Variants in GK observed in about 807,000 individuals in gnomAD.
GK encodes glycerol kinase.
Under a neutral mutation model 56.4 loss-of-function variants are expected in GK, and 9 were observed. That is an observed-to-expected ratio of 0.16 (90% CI 0.10 to 0.28). The LOEUF (loss-of-function observed/expected upper bound fraction) is 0.28. GK is among the 10% of genes least tolerant of loss of function. The pLI is 1.00. For missense variants in GK, 161 were observed against 431.4 expected (o/e 0.37, Z 5.55); for synonymous variants, 104 against 144.1 (o/e 0.72, Z 1.99).
At chrX:30,678,134 T>G in intron 4 of GK, 1 of 457,380 alleles carries the variant, frequency 2.2e-6, no homozygotes, top group South Asian at 3.5e-5. Flanking sequence ...AAAGTACTTG[T>G]GTGTTTGTCT....
At position 30,678,671 on chromosome X, in the gene GK, G is replaced by GTT. The variant is rs35987506; in HGVS notation, c.337+1232_337+1233dup. ...CTTTTAGTACATCTTTTTCTGTGGT[G>GTT]TTTTTTTTTTTTTTCTTTCCTCTGT... On this transcript the variant is annotated intron_variant, in intron 4 of 20. Transcript: ENST00000427190. 5.7e-3 allele frequency among the ~76,000 whole-genome samples: 489 copies of GTT among 85,730 alleles called. 1 individual carries two copies. Among genetic ancestry groups the GTT allele is most frequent in the Non-Finnish European group, 9.8e-3 (435 of 44,470 alleles). 74.4% of individuals were successfully genotyped at this position (85,730 alleles called of 115,157 possible). A position where few individuals can be genotyped will look rare whatever the true frequency, so the allele number is the denominator to read the frequency against.
At chrX:30,701,136 G>A (rs1338529415) in intron 11 of GK, among the ~76,000 whole-genome samples, 1 of 112,225 alleles carries the variant, frequency 8.9e-6, no homozygotes, top group Non-Finnish European at 1.9e-5. Flanking sequence ...TAGGCTGGGC[G>A]CGGTGGCTCA....
intron 13 of GK, among the ~76,000 whole-genome samples, chrX:30,709,835 GTCTGC>G (rs2147240977): frequency 9.0e-6 from 1 of 111,261 alleles, no homozygotes; most frequent in South Asian, 3.7e-4. Context: ...GTCAAACCAA[GTCTGC>G]TCTGTTCTGT....
chrX:30,699,616 G>A (rs1935533697), intron 9 of GK, among the ~76,000 whole-genome samples: 1 of 109,547 alleles, frequency 9.1e-6, no homozygotes, highest in Admixed American at 9.8e-5. Context: ...CTCCCACCTC[G>A]GCCTCCCAAA....
At chrX:30,695,210 A>G in intron 6 of GK, 1 of 850,834 alleles carries the variant, frequency 1.2e-6, no homozygotes, top group Non-Finnish European at 1.5e-6. Flanking sequence ...TGACAGATCC[A>G]CAGAGCAGGT....
At chrX:30,718,481 T>C in intron 13 of GK, 57 bp from the exon 14 acceptor site, 1 of 812,159 alleles carries the variant, frequency 1.2e-6, no homozygotes. Context: ...ATATGCTCAA[T>C]AAAAACCTTG....
At chrX:30,690,532 A>G (rs1404322876) in intron 4 of GK, among the ~76,000 whole-genome samples, 1 of 111,479 alleles carries the variant, frequency 9.0e-6, no homozygotes, top group Non-Finnish European at 1.9e-5. Flanking sequence ...ATACTCCAGC[A>G]GAGAGAAAGA....
intron 1 of GK, among the ~76,000 whole-genome samples, chrX:30,655,486 C>T (rs1252358560): frequency 1.8e-5 from 2 of 112,048 alleles, no homozygotes; most frequent in African/African-American, 3.2e-5. Flanking sequence ...GCTGCCAGAT[C>T]GTCAGATTAA....
At chrX:30,696,812 A>G (rs1350277954) in intron 8 of GK, 129 bp downstream of exon 8, 1 of 530,651 alleles carries the variant, frequency 1.9e-6, no homozygotes, top group Non-Finnish European at 3.3e-6. Flanking sequence ...CAACTGTGTT[A>G]TGTTTTGTGA....
At chrX:30,676,277 T>C (rs1933899564) in intron 3 of GK, among the ~76,000 whole-genome samples, 1 of 111,990 alleles carries the variant, frequency 8.9e-6, no homozygotes, top group South Asian at 3.7e-4. Flanking sequence ...TGCTACATTT[T>C]CCAGTCTGGT....
chrX:30,681,553 A>T (rs1184057052), intron 4 of GK, among the ~76,000 whole-genome samples: 2 of 112,341 alleles, frequency 1.8e-5, no homozygotes, highest in African/African-American at 6.5e-5. Flanking sequence ...ATAACATTAG[A>T]CAGATAATGG....
chrX:30,664,386 G>A (rs969252582), intron 1 of GK, among the ~76,000 whole-genome samples: 6 of 106,925 alleles, frequency 5.6e-5, no homozygotes, highest in African/African-American at 2.0e-4. Context: ...TTTTAGTAGA[G>A]ACGGGGTTTC....
chrX:30,658,325 T>C (rs2147121908), intron 1 of GK, among the ~76,000 whole-genome samples: 1 of 111,521 alleles, frequency 9.0e-6, no homozygotes, highest in African/African-American at 3.3e-5. Context: ...TTTTGTTTTT[T>C]TTTTTTCTGA....
In GK at chrX:30,718,579, A is replaced by G. The variant is rs146346162; in HGVS notation, c.1017A>G (p.Arg339=). Residue 339 remains arginine (R), a synonymous_variant, in exon 14 of 21, where the codon AGA becomes AGG. Coordinates refer to ENST00000427190, the MANE Select transcript of GK (RefSeq NM_001205019.2). ...AIAGAVIRWL[R]DNLGIIKTSE... ...CTGGTGCTGTTATTCGCTGGCTAAG[A>G]GACAATCTTGGAATTATAAAGACCT... is the stretch of plus-strand genomic sequence containing the variant. 71 of 1,190,879 alleles carry G rather than the reference A, an allele frequency of 6.0e-5. No homozygotes were observed. The African/African-American group carries it at 1.2e-3, about 20-fold the overall frequency.
At chrX:30,704,860 G>A (rs751161936) in intron 11 of GK, among the ~76,000 whole-genome samples, 1 of 111,831 alleles carries the variant, frequency 8.9e-6, no homozygotes, top group East Asian at 2.8e-4. Context: ...GTGAGCCACC[G>A]CGCCCAGCCG....
chrX:30,723,663 C>T, intron 18 of GK: 1 of 167,900 alleles, frequency 6.0e-6, no homozygotes, highest in Non-Finnish European at 1.1e-5. Flanking sequence ...TGCTCTGTCA[C>T]CCAGGCTAGA....
At chrX:30,691,465 G>T (rs1282006126) in intron 5 of GK, among the ~76,000 whole-genome samples, 6 of 101,523 alleles carry the variant, frequency 5.9e-5, no homozygotes, top group Admixed American at 2.1e-4. Flanking sequence ...TTCCCAAGGG[G>T]TGCTTTTTTT....
intron 11 of GK, among the ~76,000 whole-genome samples, chrX:30,707,158 G>A (rs886722058): frequency 3.6e-5 from 4 of 110,755 alleles, no homozygotes; most frequent in East Asian, 2.8e-4. Context: ...GTGAAACCCC[G>A]TCTCTACTAA....
intron 3 of GK, among the ~76,000 whole-genome samples, chrX:30,675,816 G>A (rs144073974): frequency 0.044 from 4,850 of 109,111 alleles, 288 homozygotes; most frequent in African/African-American, 0.15. Context: ...TTGAGATACA[G>A]TCTCCCTCTG....
Sources: allele counts gnomAD v4.1 joint callset (sites outside exome capture counted in the v4.1 genomes callset), GRCh38; gene constraint gnomAD v4.1.1; transcripts MANE v1.5; gene names NCBI Gene and HGNC (gene_info 2026-07-23, HGNC 2026-07-21).